CCSER1: variants seen among roughly 807,000 people sequenced by gnomAD.
The protein encoded by CCSER1 is coiled-coil serine rich protein 1.
CCSER1 carries 41 observed loss-of-function variants against 82.0 expected under a neutral mutation model. The ratio of observed to expected loss-of-function variants is 0.50; its 90% CI spans 0.39 to 0.65. CCSER1 has a LOEUF of 0.65. CCSER1 is among the 30% of genes least tolerant of loss of function. The pLI, the probability that CCSER1 is intolerant of heterozygous loss-of-function variation, is 0.00. For synonymous variants in CCSER1, 414 were observed against 383.9 expected (o/e 1.08, Z -0.92); for missense variants, 1,119 against 1,064.2 (o/e 1.05, Z -0.72).
intron 10 of CCSER1, among the ~76,000 whole-genome samples, chr4:91,121,140 T>C (rs947482611): frequency 1.3e-5 from 2 of 151,372 alleles, no homozygotes; most frequent in Non-Finnish European, 3.0e-5. Flanking sequence ...TTTTCTCATG[T>C]GGGGATTTTA....
intron 10 of CCSER1, among the ~76,000 whole-genome samples, chr4:91,251,520 C>G (rs1328847883): frequency 6.6e-6 from 1 of 152,092 alleles, no homozygotes; most frequent in African/African-American, 2.4e-5. Flanking sequence ...TATACTTCCT[C>G]AAGAGATAAA....
chr4:90,861,486 TA>T (rs1020450630), intron 8 of CCSER1, among the ~76,000 whole-genome samples: 1 of 151,812 alleles, frequency 6.6e-6, no homozygotes, highest in Non-Finnish European at 1.5e-5. Flanking sequence ...GAGAAATAAG[TA>T]ATCTCTAAGT....
At chr4:90,270,729 T>C (rs1726104467) in intron 1 of CCSER1, among the ~76,000 whole-genome samples, 1 of 152,104 alleles carries the variant, frequency 6.6e-6, no homozygotes, top group African/African-American at 2.4e-5. Flanking sequence ...GATATGATCT[T>C]ATATTTGGAA....
At chr4:91,582,056 A>G (rs1253365663) in intron 10 of CCSER1, among the ~76,000 whole-genome samples, 1 of 151,736 alleles carries the variant, frequency 6.6e-6, no homozygotes, top group African/African-American at 2.4e-5. Flanking sequence ...TTTGTCATGA[A>G]TAGAATCTAA....
chr4:90,419,801 A>G (rs1015360510), intron 4 of CCSER1, among the ~76,000 whole-genome samples: 1 of 151,644 alleles, frequency 6.6e-6, no homozygotes, highest in Non-Finnish European at 1.5e-5. Context: ...ATATATCTAA[A>G]CTCTTATTTA....
intron 7 of CCSER1, among the ~76,000 whole-genome samples, chr4:90,761,808 A>G (rs1294133851): frequency 6.6e-6 from 1 of 152,138 alleles, no homozygotes; most frequent in Non-Finnish European, 1.5e-5. Context: ...CGTTGTAAGA[A>G]TAGCAGATTT....
At chr4:91,213,313 G>A (rs1249309971) in intron 10 of CCSER1, among the ~76,000 whole-genome samples, 1 of 151,966 alleles carries the variant, frequency 6.6e-6, no homozygotes, top group Non-Finnish European at 1.5e-5. Context: ...TCTGGGTACT[G>A]GGAAAAACAG....
intron 9 of CCSER1, among the ~76,000 whole-genome samples, chr4:91,073,296 C>T (rs535069841): frequency 6.6e-6 from 1 of 151,748 alleles, no homozygotes; most frequent in Non-Finnish European, 1.5e-5. Context: ...TTCAACATAG[C>T]CTAGGGGGTG....
chr4:91,362,709 C>T lies in CCSER1; in HGVS notation c.2218-235863C>T, dbSNP rs1441799937. 1.3e-5 allele frequency among the ~76,000 whole-genome samples: 2 copies of T among 151,660 alleles called. 1 individual carries two copies. Among genetic ancestry groups the T allele is most frequent in the Admixed American group, 1.3e-4 (2 of 15,184 alleles). On this transcript the variant is annotated intron_variant, in intron 10 of 10. Coordinates refer to ENST00000509176, the MANE Select transcript of CCSER1 (RefSeq NM_001145065.2). ...TATGCAGAGCCGTGAATACATTTTC[C>T]TCATCTTCCTCCTTTTTTTGTTTTT...
chr4:90,460,340 A>C (rs1578579153), intron 4 of CCSER1, among the ~76,000 whole-genome samples: 1 of 141,984 alleles, frequency 7.0e-6, no homozygotes, highest in Non-Finnish European at 1.5e-5. Flanking sequence ...AAAAAAAAAA[A>C]AAAAACTAAG....
At chr4:91,176,722 G>A (rs190614391) in intron 10 of CCSER1, among the ~76,000 whole-genome samples, 50 of 152,270 alleles carry the variant, frequency 3.3e-4, no homozygotes, top group Admixed American at 8.5e-4. Context: ...ATTTTGGGCT[G>A]AGACAATGGG....
intron 6 of CCSER1, among the ~76,000 whole-genome samples, chr4:90,705,739 G>A (rs1387315285): frequency 6.6e-6 from 1 of 152,238 alleles, no homozygotes; most frequent in African/African-American, 2.4e-5. Context: ...TGCTAGCAAT[G>A]AGCGAGGCTC....
rs1234764880 is a variant in CCSER1, at chr4:91,604,019, A to C, written c.*4962A>C. 6.6e-6 allele frequency: 1 copy of C among 151,988 alleles called. No individual in the cohort carries two copies. The highest frequency in any genetic ancestry group is 2.4e-5 in the African/African-American group (1 of 41,472). The allele number at this position is 151,988 out of a possible 1,614,324, so 9.4% of individuals were successfully genotyped here. ...CTTCAACATATGAATTTGGGGGGGG[A>C]TATAAAAATTTAGTTTATAGCACTC... On this transcript the variant is annotated 3_prime_UTR_variant, in exon 11 of 11. Transcript: ENST00000509176.
intron 8 of CCSER1, among the ~76,000 whole-genome samples, chr4:90,871,070 C>A (rs1485666053): frequency 2.8e-5 from 4 of 141,048 alleles, no homozygotes; most frequent in Admixed American, 2.8e-4. Flanking sequence ...TGGGTCTTCT[C>A]TCTTTTTTTC....
intron 8 of CCSER1, among the ~76,000 whole-genome samples, chr4:90,881,810 A>G (rs1264086768): frequency 6.6e-6 from 1 of 152,058 alleles, no homozygotes; most frequent in African/African-American, 2.4e-5. Context: ...AACATACACA[A>G]AAAACACCTA....
At chr4:90,337,770 G>A (rs1561053419) in intron 3 of CCSER1, among the ~76,000 whole-genome samples, 1 of 151,906 alleles carries the variant, frequency 6.6e-6, no homozygotes, top group African/African-American at 2.4e-5. Flanking sequence ...TCAGATAATA[G>A]TATTTAACCC....
chr4:90,697,472 A>T (rs903225298), intron 6 of CCSER1, among the ~76,000 whole-genome samples: 8 of 152,154 alleles, frequency 5.3e-5, no homozygotes, highest in African/African-American at 1.9e-4. Context: ...AACAGACAAA[A>T]ATAAACCATT....
chr4:91,346,345 T>C (rs1748055524), intron 10 of CCSER1, among the ~76,000 whole-genome samples: 1 of 152,148 alleles, frequency 6.6e-6, no homozygotes, highest in Non-Finnish European at 1.5e-5. Flanking sequence ...ATGTATTATA[T>C]TGTATGGATA....
intron 10 of CCSER1, among the ~76,000 whole-genome samples, chr4:91,126,070 A>G (rs1273463081): frequency 6.6e-6 from 1 of 151,768 alleles, no homozygotes; most frequent in East Asian, 1.9e-4. Context: ...TAGATAAGTT[A>G]GTATGAGACT....
Sources: gnomAD v4.1 joint callset for allele counts (sites outside exome capture counted in the v4.1 genomes callset) on GRCh38, gnomAD v4.1.1 for gene constraint, MANE v1.5 for transcripts, NCBI Gene and HGNC (gene_info 2026-07-23, HGNC 2026-07-21) for gene names.